DLG2: variants seen among roughly 807,000 people sequenced by gnomAD.
DLG2 encodes disks large homolog 2.
DLG2 carries 45 observed loss-of-function variants against 132.5 expected under a neutral mutation model. That is an observed-to-expected ratio of 0.34 (90% confidence interval 0.27 to 0.44). DLG2 has a LOEUF of 0.44. Ranked by LOEUF, DLG2 falls within the 20% of genes least tolerant of loss-of-function variation. The probability of loss-of-function intolerance (pLI) is 1.00; values close to 1 mark genes in which losing one functional copy is unlikely to be tolerated. For missense variants in DLG2, 1,045 were observed against 1,196.9 expected (o/e 0.87, Z 1.87); for synonymous variants, 424 against 419.6 (o/e 1.01, Z -0.13).
intron 11 of DLG2, among the ~76,000 whole-genome samples, chr11:84,035,289 G>A (rs763859037): frequency 2.0e-4 from 30 of 152,208 alleles, no homozygotes; most frequent in Non-Finnish European, 4.3e-4. Flanking sequence ...TGATTAAGTT[G>A]TAGGTTCTTG....
chr11:84,862,796 A>G (rs889573785), intron 6 of DLG2, among the ~76,000 whole-genome samples: 1 of 112,594 alleles, frequency 8.9e-6, no homozygotes, highest in African/African-American at 3.5e-5. Context: ...AGGGAGGGGG[A>G]CATCACACAC....
chr11:84,327,902 G>A (rs1258499394), intron 7 of DLG2, among the ~76,000 whole-genome samples: 1 of 152,170 alleles, frequency 6.6e-6, no homozygotes, highest in East Asian at 1.9e-4. Context: ...CTTGTCCAAA[G>A]CTTGCATCAT....
chr11:85,465,291 C>T (rs2092749579), intron 3 of DLG2, among the ~76,000 whole-genome samples: 1 of 151,206 alleles, frequency 6.6e-6, no homozygotes, highest in Non-Finnish European at 1.5e-5. Context: ...TACTTCATAG[C>T]CACTGCAACT....
At chr11:85,422,603 G>T (rs966445201) in intron 3 of DLG2, among the ~76,000 whole-genome samples, 2 of 151,670 alleles carry the variant, frequency 1.3e-5, no homozygotes, top group Non-Finnish European at 2.9e-5. Flanking sequence ...TGATTCTCTT[G>T]CCTCAGCCTC....
chr11:84,955,644 T>C (rs2051556313), intron 6 of DLG2: 1 of 152,166 alleles, frequency 6.6e-6, no homozygotes, highest in Non-Finnish European at 1.5e-5. Flanking sequence ...ATGATACATG[T>C]GGACAAAAAG....
At chr11:84,634,747 T>G (rs2099637732) in intron 6 of DLG2, among the ~76,000 whole-genome samples, 1 of 152,228 alleles carries the variant, frequency 6.6e-6, no homozygotes. Flanking sequence ...GTCACTCTCC[T>G]TCCCTGTCTG....
At chr11:85,623,611 A>T (rs1247691789) in intron 2 of DLG2, among the ~76,000 whole-genome samples, 2 of 152,126 alleles carry the variant, frequency 1.3e-5, no homozygotes, top group Non-Finnish European at 2.9e-5. Flanking sequence ...CAATAGGACA[A>T]TTTTTTAAAA....
chr11:84,201,179 C>T (rs530674750), intron 8 of DLG2, among the ~76,000 whole-genome samples: 1 of 152,208 alleles, frequency 6.6e-6, no homozygotes, highest in East Asian at 1.9e-4. Context: ...TTATCAAACA[C>T]TTTTCCACCT....
At chr11:85,191,889 T>G (rs1026283342) in intron 4 of DLG2, among the ~76,000 whole-genome samples, 1 of 152,202 alleles carries the variant, frequency 6.6e-6, no homozygotes, top group Non-Finnish European at 1.5e-5. Flanking sequence ...TATTATTATT[T>G]TCATATTATC....
intron 6 of DLG2, among the ~76,000 whole-genome samples, chr11:84,761,898 AAAT>A (rs749384574): frequency 5.9e-5 from 9 of 152,148 alleles, no homozygotes; most frequent in Non-Finnish European, 1.2e-4. Context: ...AGAAAACCCT[AAAT>A]AATACAGATG....
intron 3 of DLG2, among the ~76,000 whole-genome samples, chr11:85,412,237 T>G (rs924300523): frequency 6.6e-6 from 1 of 151,798 alleles, no homozygotes; most frequent in Admixed American, 6.6e-5. Context: ...TCTCTTCTGT[T>G]TGATAAAATA....
chr11:84,213,818 C>CAAAAA (rs35761640), intron 8 of DLG2, among the ~76,000 whole-genome samples: 3 of 46,550 alleles, frequency 6.4e-5, no homozygotes, highest in Non-Finnish European at 1.7e-4. Context: ...GACTCCGTCT[C>CAAAAA]AAAAAAAAAA....
At chr11:84,717,068 G>T (rs532300287) in intron 6 of DLG2, among the ~76,000 whole-genome samples, 58 of 152,156 alleles carry the variant, frequency 3.8e-4, no homozygotes, top group African/African-American at 1.4e-3. Flanking sequence ...TGAGTGTCTA[G>T]CTTGAAAGCT....
At chr11:84,738,875 T>C (rs771392175) in intron 6 of DLG2, among the ~76,000 whole-genome samples, 8 of 152,184 alleles carry the variant, frequency 5.3e-5, no homozygotes, top group Non-Finnish European at 1.2e-4. Flanking sequence ...AACAAGTGAA[T>C]GTATAAACAA....
chr11:85,343,146 TGTCCAAACCA>T (rs763295477), intron 3 of DLG2, among the ~76,000 whole-genome samples: 35 of 152,234 alleles, frequency 2.3e-4, no homozygotes, highest in Non-Finnish European at 2.8e-4. Flanking sequence ...TGAATGGCTT[TGTCCAAACCA>T]GTACAGAACC....
intron 6 of DLG2, among the ~76,000 whole-genome samples, chr11:84,742,196 G>C (rs942343972): frequency 1.3e-5 from 2 of 152,058 alleles, no homozygotes; most frequent in African/African-American, 4.8e-5. Context: ...TTGCATTCCA[G>C]AAGAAAAGGG....
intron 12 of DLG2, among the ~76,000 whole-genome samples, chr11:83,966,986 C>T (rs1363300407): frequency 1.3e-5 from 2 of 152,030 alleles, no homozygotes; most frequent in African/African-American, 4.8e-5. Context: ...TGAGATCATG[C>T]AATATTGTTC....
chr11:85,539,014 A>T (rs1344877850), intron 3 of DLG2, among the ~76,000 whole-genome samples: 2 of 151,266 alleles, frequency 1.3e-5, no homozygotes, highest in Non-Finnish European at 3.0e-5. Context: ...ACATTTTTTT[A>T]AAAAAACACC....
intron 11 of DLG2, among the ~76,000 whole-genome samples, chr11:83,981,860 TCTTAA>T (rs752014188): frequency 4.6e-5 from 7 of 152,196 alleles, no homozygotes; most frequent in South Asian, 2.1e-4. Flanking sequence ...GCTTATACAA[TCTTAA>T]CTTATATTAA....
Sources: gnomAD v4.1 joint callset for allele counts (sites outside exome capture counted in the v4.1 genomes callset) on GRCh38, gnomAD v4.1.1 for gene constraint, MANE v1.5 for transcripts, NCBI Gene and HGNC (gene_info 2026-07-23, HGNC 2026-07-21) for gene names.